RNF182: variants seen among roughly 807,000 people sequenced by gnomAD.
RNF182 encodes the protein E3 ubiquitin-protein ligase RNF182.
A neutral mutation model predicts 14.4 loss-of-function variants in RNF182; 15 were observed. The observed-to-expected ratio is 1.04, with a 90% confidence interval of 0.70 to 1.60. RNF182 has a LOEUF of 1.60. Ranked by LOEUF, RNF182 falls within the 40% of genes most tolerant of loss-of-function variation. The probability of loss-of-function intolerance (pLI) is 0.00; values close to 1 mark genes in which losing one functional copy is unlikely to be tolerated. For missense variants in RNF182, 268 were observed against 294.8 expected (o/e 0.91, Z 0.67); for synonymous variants, 128 against 122.9 (o/e 1.04, Z -0.27).
intron 1 of RNF182, among the ~76,000 whole-genome samples, chr6:13,972,372 G>C (rs892599450): frequency 6.6e-6 from 1 of 151,396 alleles, no homozygotes; most frequent in African/African-American, 2.4e-5. Flanking sequence ...CAATAGAAAA[G>C]AAAAACCAAT....
chr6:13,943,903 G>A (rs1759365254), intron 1 of RNF182, among the ~76,000 whole-genome samples: 3 of 152,208 alleles, frequency 2.0e-5, no homozygotes, highest in Non-Finnish European at 4.4e-5. Context: ...GTTAGGCAGT[G>A]TGGGTTTGTT....
intron 1 of RNF182, among the ~76,000 whole-genome samples, chr6:13,938,597 T>A (rs1241809743): frequency 1.3e-5 from 2 of 152,226 alleles, no homozygotes; most frequent in Non-Finnish European, 2.9e-5. Flanking sequence ...TTTAGATCTA[T>A]AACCCCTTTG....
chr6:13,945,545 A>T (rs1759416537), intron 1 of RNF182, among the ~76,000 whole-genome samples: 1 of 152,232 alleles, frequency 6.6e-6, no homozygotes. Context: ...TAACAGCAAC[A>T]TGACAACAAC....
intron 1 of RNF182, among the ~76,000 whole-genome samples, chr6:13,936,803 A>T (rs1759121794): frequency 6.6e-6 from 1 of 152,226 alleles, no homozygotes; most frequent in South Asian, 2.1e-4. Context: ...GAAAGCAGGC[A>T]AATATGGGAC....
At chr6:13,945,228 A>C (rs760210780) in intron 1 of RNF182, among the ~76,000 whole-genome samples, 2 of 152,196 alleles carry the variant, frequency 1.3e-5, no homozygotes, top group Non-Finnish European at 2.9e-5. Context: ...TTTACTCAAG[A>C]TCTCAGAGTC....
At chr6:13,946,817 G>A (rs911846024) in intron 1 of RNF182, among the ~76,000 whole-genome samples, 1 of 152,124 alleles carries the variant, frequency 6.6e-6, no homozygotes, top group Non-Finnish European at 1.5e-5. Flanking sequence ...CTGAACAGGG[G>A]CAATGATATT....
chr6:13,973,931 A>T (rs1473964269), intron 1 of RNF182, among the ~76,000 whole-genome samples: 1 of 152,170 alleles, frequency 6.6e-6, no homozygotes, highest in East Asian at 1.9e-4. Flanking sequence ...ACTCTTTTGG[A>T]CCTGGCTTTC....
chr6:13,975,299 T>G (rs1345809675), intron 2 of RNF182, among the ~76,000 whole-genome samples: 2 of 152,194 alleles, frequency 1.3e-5, no homozygotes, highest in African/African-American at 4.8e-5. Context: ...GACATGGGCA[T>G]GTGTATCCTG....
At chr6:13,940,565 A>C (rs17769281) in intron 1 of RNF182, among the ~76,000 whole-genome samples, 9,855 of 151,146 alleles carry the variant, frequency 0.065, 425 homozygotes, top group East Asian at 0.2. Flanking sequence ...ACTTATTTTG[A>C]CTTTTTTTTG....
intron 1 of RNF182, among the ~76,000 whole-genome samples, chr6:13,949,885 A>G (rs1422354407): frequency 6.6e-6 from 1 of 152,208 alleles, no homozygotes; most frequent in African/African-American, 2.4e-5. Context: ...TTTTTCCAGT[A>G]TTCAATTTAT....
At position 13,950,621 on chromosome 6, in the gene RNF182, C is replaced by T. The variant is rs377354589; in HGVS notation, c.-366-23589C>T. Among the ~76,000 whole-genome samples the T allele has an allele frequency of 5.7e-4, 87 of 151,708 alleles. No individual in the cohort carries two copies. The South Asian group carries it at 9.6e-3, about 17-fold the overall frequency. ...CAACAATTCTCGTGCCTCAACCTCC[C>T]GAGTACCTGGGATTACAGGCACACA... On this transcript the variant is annotated intron_variant, in intron 1 of 2. Coordinates refer to ENST00000488300, the MANE Select transcript of RNF182 (RefSeq NM_152737.4).
At chr6:13,925,577 G>C (rs1758803835) in intron 1 of RNF182, among the ~76,000 whole-genome samples, 1 of 152,118 alleles carries the variant, frequency 6.6e-6, no homozygotes, top group African/African-American at 2.4e-5. Flanking sequence ...GGAAGGTGCA[G>C]TTGCACCTAT....
At chr6:13,944,849 A>G (rs1034791273) in intron 1 of RNF182, among the ~76,000 whole-genome samples, 2 of 152,180 alleles carry the variant, frequency 1.3e-5, no homozygotes, top group African/African-American at 4.8e-5. Context: ...TTTGACTTCA[A>G]ATGACTCTGA....
chr6:13,948,405 A>G (rs1393688991), intron 1 of RNF182, among the ~76,000 whole-genome samples: 3 of 152,226 alleles, frequency 2.0e-5, no homozygotes, highest in Admixed American at 6.5e-5. Context: ...GATAACAATT[A>G]TAACTATTAA....
chr6:13,977,725 C>G lies in RNF182; in HGVS notation c.606C>G (p.Tyr202Ter). 2.5e-6 allele frequency: 4 copies of G among 1,614,154 alleles called. No individual in the cohort carries two copies. The highest frequency in any genetic ancestry group is 3.4e-6 in the Non-Finnish European group (4 of 1,180,024). The change falls in exon 3 of 3, where the codon TAC becomes TAG. Residue 202 changes from tyrosine to a stop codon, truncating the protein, a stop_gained. Transcript: ENST00000488300. LOFTEE classifies it high-confidence loss of function. ...LYFSSLPLGI[Y>*]LLVSKKVTLG... ...TCAGCTCCTTACCCTTAGGAATCTACTTACTGGTGTCTAAGAAAGTCACCC... is the reference window on the plus strand; with the variant it reads ...TCAGCTCCTTACCCTTAGGAATCTAGTTACTGGTGTCTAAGAAAGTCACCC...
At chr6:13,931,165 C>CA in intron 1 of RNF182, among the ~76,000 whole-genome samples, 1 of 152,104 alleles carries the variant, frequency 6.6e-6, no homozygotes, top group Non-Finnish European at 1.5e-5. Flanking sequence ...TAGAAAGAGA[C>CA]AGAGAACCCC....
chr6:13,948,224 G>A lies in RNF182; in HGVS notation c.-367+23201G>A, dbSNP rs1013642565. ...TGGCATACATTTCAAAGCTGTGAAAGTCCTGCTTTATAAGAGTACTTGTCA... is the reference window on the plus strand; with the variant it reads ...TGGCATACATTTCAAAGCTGTGAAAATCCTGCTTTATAAGAGTACTTGTCA... On this transcript the variant is annotated intron_variant, in intron 1 of 2. Transcript: ENST00000488300. Among the ~76,000 whole-genome samples the A allele has an allele frequency of 3.3e-5, 5 of 152,208 alleles. No homozygotes were observed. The East Asian group carries it at 5.8e-4, about 18-fold the overall frequency.
rs879498656 is a variant in RNF182, at chr6:13,960,664, T to A, written c.-366-13546T>A. ...GATGGAGGGAGAGAGAGAGTGTGTG[T>A]GTGTGTGTGTGTGTGTGTGTGTGTG... is the stretch of plus-strand genomic sequence containing the variant. On this transcript the variant is annotated intron_variant, in intron 1 of 2. Coordinates refer to ENST00000488300, the MANE Select transcript of RNF182 (RefSeq NM_152737.4). Among the ~76,000 whole-genome samples the A allele has an allele frequency of 4.9e-3, 455 of 93,600 alleles. 1 individual carries two copies. The highest frequency in any genetic ancestry group is 0.023 in the Middle Eastern group (4 of 176). 61.4% of individuals were successfully genotyped at this position (93,600 alleles called of 152,430 possible).
intron 1 of RNF182, among the ~76,000 whole-genome samples, chr6:13,958,298 A>G (rs1174689151): frequency 1.3e-5 from 2 of 152,040 alleles, no homozygotes; most frequent in Admixed American, 1.3e-4. Context: ...AAGCAGGAGA[A>G]TCGCCTGAAC....
Sources: allele counts gnomAD v4.1 joint callset (sites outside exome capture counted in the v4.1 genomes callset), GRCh38; gene constraint gnomAD v4.1.1; transcripts MANE v1.5; gene names NCBI Gene and HGNC (gene_info 2026-07-23, HGNC 2026-07-21).